Variants in DCDC1 observed in about 807,000 individuals in gnomAD.
DCDC1 encodes the protein doublecortin domain containing 1.
A neutral mutation model predicts 178.3 loss-of-function variants in DCDC1; 200 were observed. The observed-to-expected ratio is 1.12, with a 90% confidence interval of 1.00 to 1.26. The LOEUF (loss-of-function observed/expected upper bound fraction) is 1.26. Among genes scored for constraint, DCDC1 ranks in the 50% most tolerant of loss-of-function variants. The pLI is 0.00. For synonymous variants in DCDC1, 690 were observed against 604.8 expected (o/e 1.14, Z -2.07); for missense variants, 1,983 against 1,749.2 (o/e 1.13, Z -2.38).
chr11:31,334,563 T>G (rs1950174995), intron 2 of DCDC1, among the ~76,000 whole-genome samples: 1 of 152,198 alleles, frequency 6.6e-6, no homozygotes, highest in African/African-American at 2.4e-5. Context: ...AGATGGGGTT[T>G]TGGTGTGGAT....
chr11:31,345,162 C>A (rs1591819043), intron 1 of DCDC1, among the ~76,000 whole-genome samples: 1 of 151,972 alleles, frequency 6.6e-6, no homozygotes, highest in African/African-American at 2.4e-5. Flanking sequence ...TTAAAAAAAA[C>A]CTTATTATAG....
At chr11:31,036,265 T>C (rs1165818189) in intron 20 of DCDC1, among the ~76,000 whole-genome samples, 1 of 152,240 alleles carries the variant, frequency 6.6e-6, no homozygotes, top group Non-Finnish European at 1.5e-5. Context: ...CCTTATTTAT[T>C]CTGAACTTGA....
At chr11:31,045,671 G>GT (rs1954795838) in intron 20 of DCDC1, among the ~76,000 whole-genome samples, 1 of 151,986 alleles carries the variant, frequency 6.6e-6, no homozygotes, top group South Asian at 2.1e-4. Flanking sequence ...ACTGTTCCTA[G>GT]TTTTTTTAAC....
chr11:31,186,600 G>A (rs138730165), intron 9 of DCDC1, among the ~76,000 whole-genome samples: 4 of 152,282 alleles, frequency 2.6e-5, no homozygotes, highest in East Asian at 3.9e-4. Flanking sequence ...CGCCCTCAGA[G>A]GCCAAAAAGC....
At chr11:31,213,285 G>T (rs183891526) in intron 9 of DCDC1, among the ~76,000 whole-genome samples, 2 of 151,652 alleles carry the variant, frequency 1.3e-5, no homozygotes, top group African/African-American at 4.9e-5. Context: ...ATGTCAAAAT[G>T]ATCTTTTCAA....
rs575560307 is a variant in DCDC1 at position 31,082,950 on chromosome 11, T to C, written c.2238-5025A>G. 3.3e-5 allele frequency among the ~76,000 whole-genome samples: 5 copies of C among 152,316 alleles called. No individual in the cohort carries two copies. The South Asian group carries it at 6.2e-4, about 19-fold the overall frequency. On this transcript the variant is annotated intron_variant, in intron 17 of 38. Coordinates refer to ENST00000684477, the MANE Select transcript of DCDC1 (RefSeq NM_001387274.1). ...GACAAGGTTCATTCAGTAATCCACA[T>C]AGTGTGAAATTACACATGGACAACT...
rs60535376 is a variant in DCDC1, at chr11:31,257,693, AACAC to A, written c.1054+7810_1054+7813del. On this transcript the variant is annotated intron_variant, in intron 8 of 38. Coordinates refer to ENST00000684477, the MANE Select transcript of DCDC1 (RefSeq NM_001387274.1). The stretch of plus-strand genomic sequence containing the variant: ...AGCACACATATTTGACAGATAGGAA[AACAC>A]ACACACACACACACACACACACATA... Among the ~76,000 whole-genome samples the A allele has an allele frequency of 4.7e-3, 679 of 143,954 alleles. 5 individuals are homozygous for A. Among genetic ancestry groups the A allele is most frequent in the African/African-American group, 0.015 (607 of 39,222 alleles). The allele number at this position is 143,954 out of a possible 152,430, so 94.4% of individuals were successfully genotyped here. A position where few individuals can be genotyped will look rare whatever the true frequency, so the allele number is the denominator to read the frequency against.
chr11:30,926,792 T>A (rs903646462), intron 22 of DCDC1, among the ~76,000 whole-genome samples: 2 of 152,130 alleles, frequency 1.3e-5, no homozygotes, highest in African/African-American at 4.8e-5. Context: ...TTCTCTAAGG[T>A]TAGCTTAGAA....
chr11:31,115,996 T>TGGGGGGGGGGGG (rs1555066794), intron 11 of DCDC1, among the ~76,000 whole-genome samples: 4 of 44,972 alleles, frequency 8.9e-5, no homozygotes, highest in African/African-American at 2.8e-4. Flanking sequence ...GGGGGGGGGA[T>TGGGGGGGGGGGG]GGGTATCTCA....
intron 9 of DCDC1, among the ~76,000 whole-genome samples, chr11:31,178,318 T>C (rs540228189): frequency 4.6e-4 from 70 of 152,326 alleles, no homozygotes; most frequent in African/African-American, 1.6e-3. Context: ...TAAATGGTGC[T>C]AAGCAAATTG....
chr11:30,883,075 T>C (rs949493808), intron 36 of DCDC1: 7 of 152,602 alleles, frequency 4.6e-5, no homozygotes, highest in African/African-American at 1.7e-4. Context: ...AACAATCTAA[T>C]TTTGTTCTGT....
At chr11:31,068,966 C>G (rs1337016212) in intron 18 of DCDC1, among the ~76,000 whole-genome samples, 3 of 152,064 alleles carry the variant, frequency 2.0e-5, no homozygotes, top group Non-Finnish European at 4.4e-5. Context: ...ATTCTCCTGC[C>G]TCAGCCTCCC....
At chr11:31,253,983 C>T (rs1401236726) in intron 8 of DCDC1, among the ~76,000 whole-genome samples, 1 of 152,136 alleles carries the variant, frequency 6.6e-6, no homozygotes, top group Non-Finnish European at 1.5e-5. Flanking sequence ...CTTGCTTTGA[C>T]ATATGCAAGT....
At position 31,307,749 on chromosome 11, in the gene DCDC1, A is replaced by C. The variant is rs777179066; in HGVS notation, c.324T>G (p.His108Gln). 1 of 1,614,080 alleles carries C rather than the reference A, an allele frequency of 6.2e-7. No homozygotes were observed. The highest frequency in any genetic ancestry group is 8.5e-7 in the Non-Finnish European group (1 of 1,179,992). The stretch of plus-strand genomic sequence containing the variant: ...AGCTATCTAGGTCTGATATTTCATC[A>C]TGGCTGTGATCTGATGCTGTTTGAT... ...STHQTASDHS[H>Q]DEISDLDSYK... Residue 108 changes from histidine (H) to glutamine (Q), a missense_variant, in exon 4 of 39, where the codon CAT becomes CAG. By Grantham distance (24) the His-to-Gln change is conservative. Coordinates refer to ENST00000684477, the MANE Select transcript of DCDC1 (RefSeq NM_001387274.1).
At chr11:31,106,374 A>C (rs1330476479) in intron 13 of DCDC1, among the ~76,000 whole-genome samples, 1 of 152,222 alleles carries the variant, frequency 6.6e-6, no homozygotes, top group African/African-American at 2.4e-5. Flanking sequence ...CTTGCTTAAG[A>C]TCCTTTTCAA....
At chr11:31,114,040 C>T (rs1332818063) in intron 11 of DCDC1, among the ~76,000 whole-genome samples, 4 of 152,120 alleles carry the variant, frequency 2.6e-5, no homozygotes, top group Admixed American at 2.0e-4. Context: ...AAACAGTACA[C>T]GATAAGGTCA....
intron 20 of DCDC1, among the ~76,000 whole-genome samples, chr11:30,987,451 C>T (rs1471506036): frequency 6.6e-6 from 1 of 152,158 alleles, no homozygotes; most frequent in African/African-American, 2.4e-5. Context: ...AACATTTTTA[C>T]TGTTATCATG....
chr11:31,087,486 C>T (rs2135630098), intron 17 of DCDC1, among the ~76,000 whole-genome samples: 1 of 152,142 alleles, frequency 6.6e-6, no homozygotes, highest in Non-Finnish European at 1.5e-5. Flanking sequence ...ATTTATATAA[C>T]ATTCCCTCTG....
At chr11:31,302,124 G>C (rs1948154550) in intron 6 of DCDC1, among the ~76,000 whole-genome samples, 2 of 152,152 alleles carry the variant, frequency 1.3e-5, no homozygotes, top group Admixed American at 1.3e-4. Flanking sequence ...AAGACAATCA[G>C]AACTCCATAC....
Sources: gnomAD v4.1 joint callset for allele counts (sites outside exome capture counted in the v4.1 genomes callset) on GRCh38, gnomAD v4.1.1 for gene constraint, MANE v1.5 for transcripts, NCBI Gene and HGNC (gene_info 2026-07-23, HGNC 2026-07-21) for gene names.